POLQ: variants seen among roughly 807,000 people sequenced by gnomAD.
The protein encoded by POLQ is epididymis secretory sperm binding protein.
In POLQ, 233 loss-of-function variants were observed where a neutral mutation model predicts 259.2. The ratio of observed to expected loss-of-function variants is 0.90; its 90% CI spans 0.81 to 1.00. POLQ has a LOEUF of 1.00. Ranked by LOEUF, POLQ falls within the 50% of genes least tolerant of loss-of-function variation. POLQ has a pLI of 0.00. For synonymous variants in POLQ, 1,025 were observed against 1,048.8 expected, an observed-to-expected ratio of 0.98 and a Z score of 0.44; for missense variants, 2,871 against 3,051.6, an observed-to-expected ratio of 0.94 and a Z score of 1.39.
intron 14 of POLQ, 101 bp downstream of exon 14, chr3:121,496,707 T>C: frequency 8.0e-7 from 1 of 1,252,570 alleles, no homozygotes; most frequent in Non-Finnish European, 1.1e-6. Context: ...TTAGCACTTT[T>C]AAAGAAGCCT....
chr3:121,493,296 T>A (rs1295392174), intron 15 of POLQ, among the ~76,000 whole-genome samples, 182 bp downstream of exon 15: 2 of 151,164 alleles, frequency 1.3e-5, no homozygotes, highest in Non-Finnish European at 1.5e-5. Flanking sequence ...GAGTGAGACT[T>A]CATCTCAAAA....
rs531656225 is a variant in POLQ, at chr3:121,541,236, A to C, written c.474+113T>G. ...GTAGCCTCTTAAAGCTACATAGGGC[A>C]CAATGAAGAAACTTTGTTTTCCACT... On this transcript the variant is annotated intron_variant, in intron 3 of 29. Transcript: ENST00000264233. 1.7e-5 allele frequency: 16 copies of C among 933,184 alleles called. No homozygotes were observed. The East Asian group carries it at 3.7e-4, about 22-fold the overall frequency. 57.8% of individuals were successfully genotyped at this position (933,184 alleles called of 1,614,324 possible). A position where few individuals can be genotyped will look rare whatever the true frequency, so the allele number is the denominator to read the frequency against.
chr3:121,460,288 T>G, intron 24 of POLQ, 54 bp from the exon 25 acceptor site: 1 of 1,331,984 alleles, frequency 7.5e-7, no homozygotes, highest in Non-Finnish European at 1.1e-6. Flanking sequence ...TATCACACAA[T>G]CCAAGTTCTA....
intron 3 of POLQ, among the ~76,000 whole-genome samples, chr3:121,539,887 A>C (rs1174608070): frequency 6.6e-6 from 1 of 152,156 alleles, no homozygotes. Flanking sequence ...AAACTACCTT[A>C]AGCACTAACA....
At chr3:121,542,009 A>G (rs1201631332) in intron 2 of POLQ, among the ~76,000 whole-genome samples, 1 of 151,778 alleles carries the variant, frequency 6.6e-6, no homozygotes. Context: ...GGTGGCGGGC[A>G]CCTGTAATCC....
Position 121,522,016 on chromosome 3 carries a change from T to C in POLQ, c.1242A>G (p.Ala414=), listed in dbSNP as rs752204618. 1.6e-5 allele frequency: 25 copies of C among 1,572,764 alleles called. No homozygotes were observed. The highest frequency in any genetic ancestry group is 2.1e-5 in the Non-Finnish European group (24 of 1,164,766). ...VLQKTVPWGV[A]FHHAGLTFEE... ...AATATGAAATACCTGCATGATGAAA[T>C]GCTACTCCCCATGGTACAGTTTTCT... Residue 414 remains alanine (A), a synonymous_variant, in exon 8 of 30, where the codon GCA becomes GCG. Transcript: ENST00000264233.
rs768362757 is a variant in POLQ, at chr3:121,532,986, T to C, written c.960+4A>G. On this transcript the variant is annotated splice_donor_region_variant and intron_variant, in intron 6 of 29. Transcript: ENST00000264233. ...ATAGTAGTGATGTACATATATTGAT[T>C]TACCTTCACTTGTAGCATGGGCTCA... 6 of 1,566,184 alleles carry C rather than the reference T, an allele frequency of 3.8e-6. No individual in the cohort carries two copies. The highest frequency in any genetic ancestry group is 5.2e-6 in the Non-Finnish European group (6 of 1,143,026).
intron 9 of POLQ, among the ~76,000 whole-genome samples, chr3:121,512,843 G>A (rs563460489): frequency 5.3e-5 from 8 of 152,264 alleles, no homozygotes; most frequent in South Asian, 4.1e-4. Context: ...AATGTAAATT[G>A]TTACCAGTTA....
Position 121,496,897 on chromosome 3 carries a change from C to G in POLQ, c.2189G>C (p.Ser730Thr), listed in dbSNP as rs2048129019. The change falls in exon 14 of 30, where the codon AGT (serine) becomes ACT (threonine). Residue 730 changes from serine (S) to threonine (T), a missense_variant. By Grantham distance (58) the Ser-to-Thr change is moderately conservative (BLOSUM62 1). Around this residue, in one of 3 missense-constraint regions of POLQ, gnomAD observed 783 missense variants for 906.2 expected, o/e 0.86. Transcript: ENST00000264233. ...ATTTATTTCCCTTAAGGGAACTTCA[C>G]TGATTAAATCTAATAGCACAAGACT... is the stretch of plus-strand genomic sequence containing the variant. Reference protein sequence around the residue: ...FTSLVLLDLISEVPLREINQK... With the variant: ...FTSLVLLDLITEVPLREINQK... The G allele has an allele frequency of 6.2e-7, 1 of 1,612,658 alleles. No homozygotes were observed. Among genetic ancestry groups the G allele is most frequent in the Non-Finnish European group, 8.5e-7 (1 of 1,179,498 alleles).
At chr3:121,443,497 T>A (rs1262443020) in intron 26 of POLQ, among the ~76,000 whole-genome samples, 1 of 152,248 alleles carries the variant, frequency 6.6e-6, no homozygotes, top group Non-Finnish European at 1.5e-5. Flanking sequence ...TTCTGCTTAT[T>A]AATCTCTTGT....
At chr3:121,540,040 A>C (rs925997494) in intron 3 of POLQ, among the ~76,000 whole-genome samples, 1 of 152,034 alleles carries the variant, frequency 6.6e-6, no homozygotes, top group Non-Finnish European at 1.5e-5. Flanking sequence ...AGTCAAATTC[A>C]GTGGGACTTT....
At chr3:121,435,226 A>G (rs2047533125) in intron 28 of POLQ, among the ~76,000 whole-genome samples, 2 of 152,226 alleles carry the variant, frequency 1.3e-5, no homozygotes, top group Admixed American at 1.3e-4. Flanking sequence ...TGGTATTTAA[A>G]GCAGAAATAT....
chr3:121,496,174 T>C (rs566961021), intron 14 of POLQ, among the ~76,000 whole-genome samples: 2 of 133,472 alleles, frequency 1.5e-5, no homozygotes, highest in Non-Finnish European at 3.1e-5. Context: ...TATGGATTAA[T>C]CAGTACCTTT....
At chr3:121,544,158 T>G (rs2048511530) in intron 2 of POLQ, among the ~76,000 whole-genome samples, 1 of 151,894 alleles carries the variant, frequency 6.6e-6, no homozygotes. Flanking sequence ...TCAAGACCAG[T>G]CTGGCCAACA....
chr3:121,509,979 T>A, intron 11 of POLQ, 60 bp downstream of exon 11: 2 of 1,293,638 alleles, frequency 1.5e-6, no homozygotes, highest in South Asian at 1.2e-5. Context: ...CACTGAGCAG[T>A]CATACAACCT....
At chr3:121,445,321 T>C (rs1028329655) in intron 26 of POLQ, among the ~76,000 whole-genome samples, 2 of 152,208 alleles carry the variant, frequency 1.3e-5, no homozygotes, top group African/African-American at 2.4e-5. Flanking sequence ...GTTCTTAGAC[T>C]GTTCAGGTTT....
chr3:121,471,597 C>A (rs2108789756), intron 22 of POLQ, among the ~76,000 whole-genome samples: 1 of 152,130 alleles, frequency 6.6e-6, no homozygotes, highest in Non-Finnish European at 1.5e-5. Flanking sequence ...CAAAAATTAG[C>A]CAGATGTGGT....
At chr3:121,452,752 A>G (rs1180668534) in intron 25 of POLQ, among the ~76,000 whole-genome samples, 2 of 152,182 alleles carry the variant, frequency 1.3e-5, no homozygotes, top group Non-Finnish European at 1.5e-5. Flanking sequence ...AACTGAGTGG[A>G]GCCCACCACA....
intron 8 of POLQ, 46 bp downstream of exon 8, chr3:121,521,957 T>G: frequency 1.6e-5 from 20 of 1,286,630 alleles, no homozygotes; most frequent in Non-Finnish European, 1.9e-5. Flanking sequence ...TAAGACAGTA[T>G]GAGGAATTTT....
Sources: allele counts gnomAD v4.1 joint callset (sites outside exome capture counted in the v4.1 genomes callset), GRCh38; gene constraint gnomAD v4.1.1; regional missense constraint gnomAD v4.1.1; transcripts MANE v1.5; gene names NCBI Gene and HGNC (gene_info 2026-07-23, HGNC 2026-07-21).